Variants in NHLRC2 observed in about 807,000 individuals in gnomAD.
NHLRC2 encodes the protein NHL repeat containing 2.
In NHLRC2, 33 loss-of-function variants were observed where a neutral mutation model predicts 68.1. That is an observed-to-expected ratio of 0.48 (90% CI 0.37 to 0.65). NHLRC2 has a LOEUF of 0.65. Ranked by LOEUF, NHLRC2 falls within the 30% of genes least tolerant of loss-of-function variation. The pLI, the probability that NHLRC2 is intolerant of heterozygous loss-of-function variation, is 0.00. For missense variants in NHLRC2, 761 were observed against 853.8 expected (o/e 0.89, Z 1.35); for synonymous variants, 311 against 309.6 (o/e 1.00, Z -0.05).
Position 113,912,274 on chromosome 10 carries a change from T to C in NHLRC2, c.*3738T>C, listed in dbSNP as rs909414979. 6.6e-6 allele frequency: 1 copy of C among 152,240 alleles called. No homozygotes were observed. Among genetic ancestry groups the C allele is most frequent in the African/African-American group, 2.4e-5 (1 of 41,474 alleles). 9.4% of individuals were successfully genotyped at this position (152,240 alleles called of 1,614,324 possible). A position where few individuals can be genotyped will look rare whatever the true frequency, so the allele number is the denominator to read the frequency against. On this transcript the variant is annotated 3_prime_UTR_variant, in exon 11 of 11. Coordinates refer to ENST00000369301, the MANE Select transcript of NHLRC2 (RefSeq NM_198514.4). ...AACTGGTAATTATTAGCTTAGTTAC[T>C]GTAATGATAATTTGGGACCATAAAC... is the stretch of plus-strand genomic sequence containing the variant.
intron 4 of NHLRC2, among the ~76,000 whole-genome samples, chr10:113,883,587 G>A (rs1439977378): frequency 1.3e-5 from 2 of 151,812 alleles, no homozygotes; most frequent in African/African-American, 4.8e-5. Flanking sequence ...TACATTGTTG[G>A]GGAGAGGGTC....
intron 2 of NHLRC2, among the ~76,000 whole-genome samples, chr10:113,874,623 A>G (rs1160166241): frequency 6.6e-6 from 1 of 151,950 alleles, no homozygotes. Context: ...AAGTTGGGAC[A>G]TTACTCAGTT....
Position 113,908,616 on chromosome 10 carries a change from C to T in NHLRC2, c.*80C>T, listed in dbSNP as rs1846296166. 2.8e-6 allele frequency: 4 copies of T among 1,412,996 alleles called. No individual in the cohort carries two copies. The African/African-American group carries it at 4.2e-5, about 15-fold the overall frequency. 87.5% of individuals were successfully genotyped at this position (1,412,996 alleles called of 1,614,324 possible). A position where few individuals can be genotyped will look rare whatever the true frequency, so the allele number is the denominator to read the frequency against. Reference sequence around the variant, plus strand: ...ATCACTGTAATTTAAGGAAAGAAAACTTCAGTTCTGCCTCTGGATACCAAG... The same window carrying T: ...ATCACTGTAATTTAAGGAAAGAAAATTTCAGTTCTGCCTCTGGATACCAAG... On this transcript the variant is annotated 3_prime_UTR_variant, in exon 11 of 11. Transcript: ENST00000369301.
chr10:113,887,311 T>C (rs1846091423), intron 5 of NHLRC2, among the ~76,000 whole-genome samples: 1 of 152,182 alleles, frequency 6.6e-6, no homozygotes, highest in South Asian at 2.1e-4. Flanking sequence ...CTGAAAAAAC[T>C]AAAAATAGAA....
chr10:113,858,074 T>C (rs542193242), intron 1 of NHLRC2, among the ~76,000 whole-genome samples: 3 of 151,878 alleles, frequency 2.0e-5, no homozygotes, highest in African/African-American at 7.2e-5. Context: ...CTAAGTGTGT[T>C]GCCTTTACTC....
In NHLRC2 at chr10:113,876,766, A is replaced by G. The variant is rs1007312762; in HGVS notation, c.577A>G (p.Ile193Val). ...HKDKLFLYTS[I>V]ALKYYKDRGQ... The stretch of plus-strand genomic sequence containing the variant: ...AGATAAATTATTTTTATATACTTCA[A>G]TTGCTTTAAAGTATTACAAAGACAG... Residue 193 changes from isoleucine (I) to valine (V), a missense_variant, in exon 3 of 11, where the codon ATT (isoleucine) becomes GTT (valine). Transcript: ENST00000369301. The G allele has an allele frequency of 9.9e-6, 16 of 1,610,804 alleles. No individual in the cohort carries two copies. The highest frequency in any genetic ancestry group is 2.2e-5 in the East Asian group (1 of 44,860).
At chr10:113,865,597 C>CTTTT (rs59697946) in intron 2 of NHLRC2, among the ~76,000 whole-genome samples, 2 of 108,426 alleles carry the variant, frequency 1.8e-5, no homozygotes, top group African/African-American at 6.9e-5. Context: ...ATAACTTCGA[C>CTTTT]TTTTTTTTTT....
chr10:113,857,599 T>A (rs1845772009), intron 1 of NHLRC2, among the ~76,000 whole-genome samples: 3 of 152,184 alleles, frequency 2.0e-5, no homozygotes, highest in African/African-American at 7.2e-5. Flanking sequence ...TAATTAATAG[T>A]TGTAATAGCT....
Position 113,854,838 on chromosome 10 carries a change from G to T in NHLRC2, c.-35G>T, listed in dbSNP as rs925863416. On this transcript the variant is annotated 5_prime_UTR_variant, in exon 1 of 11. Coordinates refer to ENST00000369301, the MANE Select transcript of NHLRC2 (RefSeq NM_198514.4). ...GTCTCTCCCAGCGAGACTCTCCCGC[G>T]GGCCCGGCGGCCGCATCGGGAGCCC... is the stretch of plus-strand genomic sequence containing the variant. The T allele has an allele frequency of 6.6e-7, 1 of 1,520,026 alleles. No individual in the cohort carries two copies. The allele number at this position is 1,520,026 out of a possible 1,614,324, so 94.2% of individuals were successfully genotyped here.
At chr10:113,866,522 ATGTT>A (rs925938807) in intron 2 of NHLRC2, among the ~76,000 whole-genome samples, 3 of 152,266 alleles carry the variant, frequency 2.0e-5, no homozygotes, top group Admixed American at 6.5e-5. Flanking sequence ...TGCTAGGTGT[ATGTT>A]AATGTATAAC....
In NHLRC2 at chr10:113,903,700, T is replaced by C. The variant is rs150753996; in HGVS notation, c.1668T>C (p.Ile556=). The change falls in exon 9 of 11, where the codon ATT becomes ATC. Residue 556 remains isoleucine, a synonymous_variant. Transcript: ENST00000369301. ...LYVADTNNHQ[I]KVMDLETKMV... is the part of the protein sequence containing the mutation. ...TAGCAGACACCAATAATCATCAAAT[T>C]AAAGTGATGGATTTAGAAACTAAAA... The C allele has an allele frequency of 1.8e-3, 2,794 of 1,588,818 alleles. 5 individuals carry two copies. Among genetic ancestry groups the C allele is most frequent in the Non-Finnish European group, 2.2e-3 (2,510 of 1,157,390 alleles).
intron 1 of NHLRC2, among the ~76,000 whole-genome samples, chr10:113,855,902 C>T (rs937269588): frequency 6.6e-6 from 1 of 152,150 alleles, no homozygotes; most frequent in Non-Finnish European, 1.5e-5. Flanking sequence ...CTATCATTCC[C>T]CTTTCACAGT....
chr10:113,873,559 TCA>T (rs891756205), intron 2 of NHLRC2, among the ~76,000 whole-genome samples: 2 of 152,174 alleles, frequency 1.3e-5, no homozygotes, highest in Admixed American at 1.3e-4. Context: ...TACTAACTTT[TCA>T]CAGTCTTCAA....
intron 5 of NHLRC2, 123 bp from the exon 6 acceptor site, chr10:113,897,987 T>G: frequency 2.0e-6 from 1 of 510,062 alleles, no homozygotes; most frequent in Non-Finnish European, 3.3e-6. Flanking sequence ...ATTGCAGATA[T>G]TTTTATTTAT....
intron 5 of NHLRC2, among the ~76,000 whole-genome samples, chr10:113,891,538 A>G (rs1004780805): frequency 2.6e-5 from 4 of 152,170 alleles, no homozygotes; most frequent in Non-Finnish European, 5.9e-5. Flanking sequence ...TATTATTGCT[A>G]TGTCAATGCA....
intron 5 of NHLRC2, among the ~76,000 whole-genome samples, chr10:113,889,803 C>G (rs779279999): frequency 6.6e-6 from 1 of 152,140 alleles, no homozygotes; most frequent in Non-Finnish European, 1.5e-5. Flanking sequence ...TCTTTCATGT[C>G]TGGCTTCTTC....
chr10:113,895,194 C>T (rs567489761), intron 5 of NHLRC2, among the ~76,000 whole-genome samples: 1 of 152,238 alleles, frequency 6.6e-6, no homozygotes, highest in East Asian at 1.9e-4. Context: ...TAGGAAATAC[C>T]AACCATCATT....
At position 113,876,733 on chromosome 10, in the gene NHLRC2, G is replaced by A. The variant is rs1043889094; in HGVS notation, c.544G>A (p.Gly182Arg). ...CATGTTGTTTTCTTTGATTGGAGAG[G>A]GACACAAAGATAAATTATTTTTATA... ...GNMLFSLIGE[G>R]HKDKLFLYTS... The change falls in exon 3 of 11, where the codon GGA (glycine) becomes AGA (arginine). Residue 182 changes from glycine (G) to arginine (R), a missense_variant. Physicochemically the swap from Gly to Arg is moderately radical, Grantham distance 125. Coordinates refer to ENST00000369301, the MANE Select transcript of NHLRC2 (RefSeq NM_198514.4). 1.2e-6 allele frequency: 2 copies of A among 1,612,712 alleles called. No individual in the cohort carries two copies. The highest frequency in any genetic ancestry group is 2.7e-5 in the African/African-American group (2 of 74,776).
chr10:113,862,406 AAAAG>A (rs544985757), intron 2 of NHLRC2, among the ~76,000 whole-genome samples: 70 of 152,206 alleles, frequency 4.6e-4, no homozygotes, highest in Non-Finnish European at 7.9e-4. Flanking sequence ...ACCACAAAAA[AAAAG>A]AAAGAAAGAA....
Sources: allele counts gnomAD v4.1 joint callset (sites outside exome capture counted in the v4.1 genomes callset), GRCh38; gene constraint gnomAD v4.1.1; transcripts MANE v1.5; gene names NCBI Gene and HGNC (gene_info 2026-07-23, HGNC 2026-07-21).